Variants in GALNTL6 observed in about 807,000 individuals in gnomAD.
GALNTL6 encodes polypeptide N-acetylgalactosaminyltransferase like 6.
In GALNTL6, 46 loss-of-function variants were observed where a neutral mutation model predicts 73.7. That is an observed-to-expected ratio of 0.62 (90% CI 0.49 to 0.80). The LOEUF is 0.80. GALNTL6 is among the 30% of genes least tolerant of loss of function. The pLI, the probability that GALNTL6 is intolerant of heterozygous loss-of-function variation, is 0.00. For synonymous variants in GALNTL6, 259 were observed against 263.7 expected, an observed-to-expected ratio of 0.98 and a Z score of 0.17; for missense variants, 604 against 755.0, an observed-to-expected ratio of 0.80 and a Z score of 2.34.
At chr4:172,207,626 C>T (rs1736181440) in intron 2 of GALNTL6, among the ~76,000 whole-genome samples, 1 of 152,176 alleles carries the variant, frequency 6.6e-6, no homozygotes, top group African/African-American at 2.4e-5. Context: ...ATGGTAGTAG[C>T]TGTTAAAACT....
At chr4:172,598,514 T>C (rs1052840675) in intron 5 of GALNTL6, among the ~76,000 whole-genome samples, 9 of 152,168 alleles carry the variant, frequency 5.9e-5, no homozygotes, top group African/African-American at 2.2e-4. Flanking sequence ...CAGTGCCAGT[T>C]TGACATTTCC....
At chr4:172,115,492 T>A (rs943750519) in intron 2 of GALNTL6, among the ~76,000 whole-genome samples, 3 of 152,150 alleles carry the variant, frequency 2.0e-5, no homozygotes, top group Non-Finnish European at 4.4e-5. Context: ...AACTCAAACT[T>A]TTTTAGTGCA....
At chr4:172,223,449 C>T (rs763393451) in intron 2 of GALNTL6, among the ~76,000 whole-genome samples, 1 of 152,074 alleles carries the variant, frequency 6.6e-6, no homozygotes, top group Non-Finnish European at 1.5e-5. Context: ...ACCTTAACTT[C>T]CACATAACAT....
intron 2 of GALNTL6, among the ~76,000 whole-genome samples, chr4:171,987,618 G>A (rs1740142890): frequency 6.6e-6 from 1 of 152,206 alleles, no homozygotes; most frequent in African/African-American, 2.4e-5. Flanking sequence ...AATCCCTGAG[G>A]AGTAGTAGAA....
intron 2 of GALNTL6, among the ~76,000 whole-genome samples, chr4:171,915,123 A>G (rs1560839134): frequency 6.6e-6 from 1 of 152,182 alleles, no homozygotes; most frequent in East Asian, 1.9e-4. Flanking sequence ...GTTTTAAAAT[A>G]AATTTCCTAT....
At chr4:172,571,507 T>A (rs1020322299) in intron 5 of GALNTL6, among the ~76,000 whole-genome samples, 2 of 152,114 alleles carry the variant, frequency 1.3e-5, no homozygotes, top group African/African-American at 4.8e-5. Flanking sequence ...TGAAGACAAG[T>A]TTTTTTAAAA....
chr4:172,255,644 A>AT (rs1738048179), intron 3 of GALNTL6, among the ~76,000 whole-genome samples: 1 of 151,456 alleles, frequency 6.6e-6, no homozygotes, highest in Non-Finnish European at 1.5e-5. Flanking sequence ...ACATAGATAT[A>AT]TACATGCATA....
chr4:173,021,644 T>C lies in GALNTL6; in HGVS notation c.1638+19T>C. On this transcript the variant is annotated intron_variant, in intron 12 of 12. Coordinates refer to ENST00000506823, the MANE Select transcript of GALNTL6 (RefSeq NM_001034845.3). Reference sequence around the variant, plus strand: ...CCGGAAGGTAAGAGTCAGTCCACTGTGGTCATTCTCAAATTACTGTGGTTT... The same window carrying C: ...CCGGAAGGTAAGAGTCAGTCCACTGCGGTCATTCTCAAATTACTGTGGTTT... 1 of 1,611,850 alleles carries C rather than the reference T, an allele frequency of 6.2e-7. No homozygotes were observed. The highest frequency in any genetic ancestry group is 8.5e-7 in the Non-Finnish European group (1 of 1,178,578).
intron 5 of GALNTL6, among the ~76,000 whole-genome samples, chr4:172,780,502 A>G (rs1739316795): frequency 6.6e-6 from 1 of 152,206 alleles, no homozygotes; most frequent in Non-Finnish European, 1.5e-5. Context: ...TATTAAAATG[A>G]CCAGTTAATT....
chr4:172,614,382 C>A (rs944370849), intron 5 of GALNTL6, among the ~76,000 whole-genome samples: 3 of 152,154 alleles, frequency 2.0e-5, no homozygotes, highest in African/African-American at 4.8e-5. Flanking sequence ...TTCATCAGAG[C>A]AGCTTACAGA....
chr4:172,716,566 A>C lies in GALNTL6; in HGVS notation c.554-92795A>C, dbSNP rs370635892. On this transcript the variant is annotated intron_variant, in intron 5 of 12. Coordinates refer to ENST00000506823, the MANE Select transcript of GALNTL6 (RefSeq NM_001034845.3). ...GCTCACTCCCATAACGCGGCCCATG[A>C]TTCTTCAGAGGATAAATATATCCCT... 1.1e-3 allele frequency among the ~76,000 whole-genome samples: 172 copies of C among 152,250 alleles called. 1 individual carries two copies. The highest frequency in any genetic ancestry group is 4.0e-3 in the African/African-American group (166 of 41,544).
chr4:172,460,425 G>A (rs1457019027), intron 5 of GALNTL6, among the ~76,000 whole-genome samples: 1 of 152,092 alleles, frequency 6.6e-6, no homozygotes, highest in Non-Finnish European at 1.5e-5. Context: ...TCATCAGAGT[G>A]AATAGACAAC....
In GALNTL6 at chr4:172,354,532, G is replaced by A. The variant is rs192041725; in HGVS notation, c.553+5843G>A. 1.3e-3 allele frequency among the ~76,000 whole-genome samples: 205 copies of A among 152,122 alleles called. 2 individuals carry two copies. The highest frequency in any genetic ancestry group is 4.6e-3 in the African/African-American group (190 of 41,534). ...TGTAAGGGAATCTGGGACATTGAGCGACATTGCTCTCTGTGGTCAGATGTA... is the reference window on the plus strand; with the variant it reads ...TGTAAGGGAATCTGGGACATTGAGCAACATTGCTCTCTGTGGTCAGATGTA... On this transcript the variant is annotated intron_variant, in intron 5 of 12. Transcript: ENST00000506823.
chr4:171,912,261 A>T (rs1389036730), intron 2 of GALNTL6, among the ~76,000 whole-genome samples: 4 of 152,134 alleles, frequency 2.6e-5, no homozygotes, highest in Non-Finnish European at 5.9e-5. Context: ...TAACAGTAAA[A>T]TTATATTTGT....
intron 2 of GALNTL6, among the ~76,000 whole-genome samples, chr4:171,944,234 C>T (rs1480213927): frequency 6.6e-6 from 1 of 151,888 alleles, no homozygotes. Flanking sequence ...AATTTTAATA[C>T]CTTATTAATT....
chr4:172,843,121 T>C (rs1743306124), intron 7 of GALNTL6, among the ~76,000 whole-genome samples: 1 of 152,154 alleles, frequency 6.6e-6, no homozygotes, highest in Non-Finnish European at 1.5e-5. Context: ...GACACCCCTC[T>C]CCTCCACCCC....
chr4:171,946,897 T>C (rs1268251405), intron 2 of GALNTL6, among the ~76,000 whole-genome samples: 1 of 105,610 alleles, frequency 9.5e-6, no homozygotes, highest in Non-Finnish European at 2.2e-5. Flanking sequence ...AAGGACTCCA[T>C]ATGTTTTACT....
At chr4:172,250,765 T>C (rs6845794) in intron 3 of GALNTL6, among the ~76,000 whole-genome samples, 19,231 of 152,152 alleles carry the variant, frequency 0.13, 1,319 homozygotes, top group East Asian at 0.3. Context: ...TTCCTCATAG[T>C]AGCATGAGAA....
intron 3 of GALNTL6, among the ~76,000 whole-genome samples, chr4:172,272,895 G>A (rs2111061647): frequency 6.6e-6 from 1 of 152,234 alleles, no homozygotes; most frequent in East Asian, 1.9e-4. Flanking sequence ...GGGAGGAGGT[G>A]AGAGAAAAGG....
Sources: gnomAD v4.1 joint callset for allele counts (sites outside exome capture counted in the v4.1 genomes callset) on GRCh38, gnomAD v4.1.1 for gene constraint, MANE v1.5 for transcripts, NCBI Gene and HGNC (gene_info 2026-07-23, HGNC 2026-07-21) for gene names.